NYAP2: variants seen among roughly 807,000 people sequenced by gnomAD.
The protein encoded by NYAP2 is neuronal tyrosine-phosphorylated phosphoinositide-3-kinase adapter 2.
NYAP2 carries 23 observed loss-of-function variants against 50.4 expected under a neutral mutation model. The observed-to-expected ratio is 0.46, with a 90% CI of 0.33 to 0.65. NYAP2 has a LOEUF of 0.65. NYAP2 is among the 30% of genes least tolerant of loss of function. The probability of loss-of-function intolerance (pLI) is 0.02; values close to 1 mark genes in which losing one functional copy is unlikely to be tolerated. For synonymous variants in NYAP2, 394 were observed against 365.2 expected, an observed-to-expected ratio of 1.08 and a Z score of -0.90; for missense variants, 885 against 861.0, an observed-to-expected ratio of 1.03 and a Z score of -0.35.
intron 5 of NYAP2, among the ~76,000 whole-genome samples, chr2:225,622,625 G>A (rs1277509715): frequency 6.8e-6 from 1 of 146,340 alleles, no homozygotes; most frequent in Admixed American, 7.0e-5. Context: ...TGTTGCCCAG[G>A]CTGGAGTGCA....
chr2:225,545,454 C>G (rs2106206474), intron 4 of NYAP2, among the ~76,000 whole-genome samples: 1 of 152,096 alleles, frequency 6.6e-6, no homozygotes, highest in East Asian at 1.9e-4. Flanking sequence ...TCTGCTTGAT[C>G]AATTCTGCTA....
At chr2:225,594,047 C>T (rs984662880) in intron 5 of NYAP2, among the ~76,000 whole-genome samples, 7 of 152,060 alleles carry the variant, frequency 4.6e-5, no homozygotes, top group African/African-American at 1.4e-4. Context: ...AAATTTGGAC[C>T]ATTTTGTAAG....
intron 3 of NYAP2, among the ~76,000 whole-genome samples, chr2:225,433,972 A>G (rs1304721007): frequency 6.6e-6 from 1 of 152,184 alleles, no homozygotes; most frequent in Non-Finnish European, 1.5e-5. Context: ...ATGTATCTCT[A>G]TAATTACCAA....
At chr2:225,486,531 G>T (rs975682462) in intron 3 of NYAP2, among the ~76,000 whole-genome samples, 1 of 152,126 alleles carries the variant, frequency 6.6e-6, no homozygotes, top group African/African-American at 2.4e-5. Flanking sequence ...ATGGTATTAG[G>T]TACACTTGAT....
chr2:225,453,499 A>C (rs530866927), intron 3 of NYAP2, among the ~76,000 whole-genome samples: 1 of 152,200 alleles, frequency 6.6e-6, no homozygotes, highest in Non-Finnish European at 1.5e-5. Context: ...ATAGCAAAAA[A>C]TCAAAATGAG....
At chr2:225,472,009 A>C (rs1477894407) in intron 3 of NYAP2, among the ~76,000 whole-genome samples, 1 of 152,204 alleles carries the variant, frequency 6.6e-6, no homozygotes, top group Non-Finnish European at 1.5e-5. Context: ...GTATTACCTC[A>C]TTTAATCTCC....
intron 3 of NYAP2, among the ~76,000 whole-genome samples, chr2:225,419,747 T>A (rs1363051382): frequency 6.6e-6 from 1 of 152,208 alleles, no homozygotes; most frequent in Non-Finnish European, 1.5e-5. Flanking sequence ...TCACCATTTT[T>A]ACCTTCATCT....
At chr2:225,661,248 T>G in the NYAP2 span, among the ~76,000 whole-genome samples, 19 of 152,368 alleles carry the variant, frequency 1.2e-4, no homozygotes, top group African/African-American at 4.6e-4. Context: ...CTGTTAGTAC[T>G]GGCTCAGAGT....
At chr2:225,529,057 A>G (rs1161474034) in intron 4 of NYAP2, among the ~76,000 whole-genome samples, 1 of 152,244 alleles carries the variant, frequency 6.6e-6, no homozygotes, top group South Asian at 2.1e-4. Context: ...CTTTGCATTT[A>G]TATGAAAGCA....
chr2:225,601,939 A>T (rs1464858096), intron 5 of NYAP2, among the ~76,000 whole-genome samples: 1 of 152,172 alleles, frequency 6.6e-6, no homozygotes, highest in African/African-American at 2.4e-5. Flanking sequence ...TATATTCAAG[A>T]AGTTATTGTC....
rs1285270934 is a variant in NYAP2 at position 225,513,819 on chromosome 2, G to T, written c.523+147G>T. 5.6e-6 allele frequency: 3 copies of T among 534,322 alleles called. No individual in the cohort carries two copies. In the Admixed American group the frequency reaches 1.2e-4, roughly 21 times the overall value. The allele number at this position is 534,322 out of a possible 1,614,324, so 33.1% of individuals were successfully genotyped here. A position where few individuals can be genotyped will look rare whatever the true frequency, so the allele number is the denominator to read the frequency against. On this transcript the variant is annotated intron_variant, in intron 4 of 6. Coordinates refer to ENST00000636099, the Ensembl canonical transcript of NYAP2. ...CCCAGAAAAGAAGAATTGAGGGGAA[G>T]GTTATTTATTGATGTGTTGTCAAAT...
At chr2:225,609,232 C>T (rs1393285419) in intron 5 of NYAP2, among the ~76,000 whole-genome samples, 1 of 151,922 alleles carries the variant, frequency 6.6e-6, no homozygotes, top group Non-Finnish European at 1.5e-5. Flanking sequence ...ATGAACAAAC[C>T]GAGGATAGGA....
At chr2:225,575,295 C>A (rs1199075753) in intron 4 of NYAP2, among the ~76,000 whole-genome samples, 1 of 152,140 alleles carries the variant, frequency 6.6e-6, no homozygotes, top group Non-Finnish European at 1.5e-5. Context: ...CACTGAGTAC[C>A]AAAACCGGTG....
Position 225,467,754 on chromosome 2 carries a change from G to A in NYAP2, c.222-45617G>A, listed in dbSNP as rs187258303. On this transcript the variant is annotated intron_variant, in intron 3 of 6. Transcript: ENST00000636099. The stretch of plus-strand genomic sequence containing the variant: ...ATGTCTTTCACACTTCCTTAGAGGA[G>A]CAGTTAAAGACAGAAAATAACACTA... Among the ~76,000 whole-genome samples, 23 of 152,300 alleles carry A rather than the reference G, an allele frequency of 1.5e-4. No individual in the cohort carries two copies. In the East Asian group the frequency reaches 2.7e-3, roughly 18 times the overall value.
intron 3 of NYAP2, among the ~76,000 whole-genome samples, chr2:225,448,755 G>T (rs758620964): frequency 6.6e-6 from 1 of 152,144 alleles, no homozygotes; most frequent in South Asian, 2.1e-4. Context: ...ACAAGCCATT[G>T]TCTTTGTCAT....
At chr2:225,466,012 A>G (rs1006952115) in intron 3 of NYAP2, among the ~76,000 whole-genome samples, 6 of 152,170 alleles carry the variant, frequency 3.9e-5, no homozygotes, top group Non-Finnish European at 8.8e-5. Context: ...TGAAGACACC[A>G]TGCCGCTTGC....
Position 225,651,375 on chromosome 2 carries a change from C to T in NYAP2, c.1829-57C>T, listed in dbSNP as rs1693729184. 1.9e-6 allele frequency: 3 copies of T among 1,609,270 alleles called. No homozygotes were observed. In the African/African-American group the frequency reaches 4.0e-5, roughly 22 times the overall value. ...AACAAACAGAAAGACTGAAAAGCCA[C>T]TTCATTATTCCAGATGTCAGTCAGC... is the stretch of plus-strand genomic sequence containing the variant. On this transcript the variant is annotated intron_variant, in intron 6 of 6. Transcript: ENST00000636099.
chr2:225,636,030 T>C (rs1446258388), intron 6 of NYAP2, among the ~76,000 whole-genome samples: 1 of 152,240 alleles, frequency 6.6e-6, no homozygotes, highest in African/African-American at 2.4e-5. Context: ...CTTCAACGTA[T>C]ACTTTGTGTT....
At chr2:225,666,750 T>C in the NYAP2 span, among the ~76,000 whole-genome samples, 1 of 152,106 alleles carries the variant, frequency 6.6e-6, no homozygotes, top group Non-Finnish European at 1.5e-5. Flanking sequence ...TAAAAAGTAC[T>C]AGATTCTTAA....
Sources: gnomAD v4.1 joint callset for allele counts (sites outside exome capture counted in the v4.1 genomes callset) on GRCh38, gnomAD v4.1.1 for gene constraint, MANE v1.5 for transcripts, NCBI Gene and HGNC (gene_info 2026-07-23, HGNC 2026-07-21) for gene names.